SUGCT: variants seen among roughly 807,000 people sequenced by gnomAD.
SUGCT encodes the protein succinyl-CoA:glutarate-CoA transferase, also known as succinyl-CoA:glutarate CoA-transferase.
Under a neutral mutation model 55.0 loss-of-function variants are expected in SUGCT, and 41 were observed. The observed-to-expected ratio is 0.74, with a 90% CI of 0.58 to 0.97. SUGCT has a LOEUF of 0.97. SUGCT is among the 50% of genes least tolerant of loss of function. The probability of loss-of-function intolerance (pLI) is 0.00; values close to 1 mark genes in which losing one functional copy is unlikely to be tolerated. For synonymous variants in SUGCT, 187 were observed against 200.4 expected (o/e 0.93, Z 0.56); for missense variants, 568 against 547.8 (o/e 1.04, Z -0.37).
intron 12 of SUGCT, among the ~76,000 whole-genome samples, chr7:40,521,307 C>A (rs1380230139): frequency 6.6e-6 from 1 of 152,036 alleles, no homozygotes; most frequent in Non-Finnish European, 1.5e-5. Context: ...CAGTGCTTTC[C>A]CTGCCTATCT....
intron 13 of SUGCT, among the ~76,000 whole-genome samples, chr7:40,810,466 T>G (rs898613560): frequency 1.3e-5 from 2 of 152,176 alleles, no homozygotes; most frequent in African/African-American, 2.4e-5. Flanking sequence ...TTCTGACTGG[T>G]GTGAGATAGT....
Position 40,365,561 on chromosome 7 carries a change from A to C in SUGCT, c.816+48706A>C, listed in dbSNP as rs192570550. Among the ~76,000 whole-genome samples, 39 of 152,240 alleles carry C rather than the reference A, an allele frequency of 2.6e-4. No individual in the cohort carries two copies. In the East Asian group the frequency reaches 6.4e-3, roughly 25 times the overall value. ...CCTTAAGCTGATAAGCAACTTCAGC[A>C]AAGTCTCAGGATACAAAATCAATGT... On this transcript the variant is annotated intron_variant, in intron 9 of 13. Transcript: ENST00000335693.
chr7:40,646,892 G>A (rs899422557), intron 12 of SUGCT, among the ~76,000 whole-genome samples: 2 of 152,166 alleles, frequency 1.3e-5, no homozygotes, highest in Admixed American at 6.5e-5. Context: ...CCCACTCAAT[G>A]AATATCTGTT....
chr7:40,608,901 T>C (rs1186623083), intron 12 of SUGCT, among the ~76,000 whole-genome samples: 2 of 152,184 alleles, frequency 1.3e-5, no homozygotes, highest in Non-Finnish European at 2.9e-5. Flanking sequence ...CTACTGTGAT[T>C]GGTAGAACAG....
intron 8 of SUGCT, among the ~76,000 whole-genome samples, chr7:40,291,304 A>G (rs933638004): frequency 6.6e-6 from 1 of 151,580 alleles, no homozygotes; most frequent in Non-Finnish European, 1.5e-5. Context: ...GCACATATAC[A>G]CCATGGAATA....
intron 11 of SUGCT, among the ~76,000 whole-genome samples, chr7:40,460,145 T>G (rs1412549030): frequency 6.6e-6 from 1 of 152,224 alleles, no homozygotes; most frequent in Non-Finnish European, 1.5e-5. Context: ...TCTTTGTATT[T>G]GGGGATGTCT....
intron 8 of SUGCT, 57 bp downstream of exon 8, chr7:40,274,713 C>A: frequency 1.3e-6 from 2 of 1,515,032 alleles, no homozygotes; most frequent in Non-Finnish European, 1.8e-6. Flanking sequence ...TGGGTTATAC[C>A]TTTTCAGATC....
At chr7:40,436,246 A>T (rs1788171601) in intron 9 of SUGCT, among the ~76,000 whole-genome samples, 1 of 151,768 alleles carries the variant, frequency 6.6e-6, no homozygotes, top group African/African-American at 2.4e-5. Context: ...CCTGGCCATG[A>T]CTGCTTCCTA....
chr7:40,201,029 G>T (rs1289576562), intron 6 of SUGCT, among the ~76,000 whole-genome samples: 4 of 152,114 alleles, frequency 2.6e-5, no homozygotes, highest in African/African-American at 9.7e-5. Context: ...GTGTGTGTGT[G>T]TTCTTATTTT....
chr7:40,475,941 T>A (rs1380281621), intron 11 of SUGCT, among the ~76,000 whole-genome samples: 1 of 152,104 alleles, frequency 6.6e-6, no homozygotes, highest in Non-Finnish European at 1.5e-5. Flanking sequence ...CTAAAATTCA[T>A]CCACCCTTTA....
chr7:40,919,619 A>G, the SUGCT span, among the ~76,000 whole-genome samples: 2 of 152,244 alleles, frequency 1.3e-5, no homozygotes, highest in Middle Eastern at 6.8e-3. Flanking sequence ...ACTCCAACCC[A>G]AGGTTTCTTA....
chr7:40,293,176 G>C (rs1793895978), intron 8 of SUGCT, among the ~76,000 whole-genome samples: 1 of 152,122 alleles, frequency 6.6e-6, no homozygotes, highest in African/African-American at 2.4e-5. Context: ...TTTTATGGCA[G>C]CTTGTTAGGT....
chr7:40,418,285 C>A (rs1219987373), intron 9 of SUGCT, among the ~76,000 whole-genome samples: 2 of 152,124 alleles, frequency 1.3e-5, no homozygotes, highest in Non-Finnish European at 2.9e-5. Flanking sequence ...GATGGGAAAT[C>A]TCAGGAATGA....
chr7:40,999,302 A>T, the SUGCT span, among the ~76,000 whole-genome samples: 2 of 152,082 alleles, frequency 1.3e-5, no homozygotes, highest in Non-Finnish European at 2.9e-5. Flanking sequence ...AAGACTTGAC[A>T]AACATCAGCC....
At chr7:40,928,195 A>G in the SUGCT span, among the ~76,000 whole-genome samples, 1 of 151,932 alleles carries the variant, frequency 6.6e-6, no homozygotes, top group South Asian at 2.1e-4. Context: ...TTCCCTATAA[A>G]AACCTATGGA....
chr7:40,876,864 T>C, the SUGCT span, among the ~76,000 whole-genome samples: 2 of 152,190 alleles, frequency 1.3e-5, no homozygotes, highest in Non-Finnish European at 2.9e-5. Flanking sequence ...GTGCAGCCAC[T>C]GCTCCTGGAG....
intron 12 of SUGCT, among the ~76,000 whole-genome samples, chr7:40,647,790 G>T (rs140864511): frequency 7.2e-5 from 11 of 151,778 alleles, no homozygotes; most frequent in African/African-American, 2.4e-4. Context: ...AGTGGAGATT[G>T]CAGTGAGCAG....
At chr7:40,945,568 C>A in the SUGCT span, among the ~76,000 whole-genome samples, 1 of 152,168 alleles carries the variant, frequency 6.6e-6, no homozygotes, top group African/African-American at 2.4e-5. Flanking sequence ...AAACCTTTCA[C>A]AAGTACCAGG....
At chr7:40,597,208 T>C (rs1406169762) in intron 12 of SUGCT, among the ~76,000 whole-genome samples, 2 of 152,178 alleles carry the variant, frequency 1.3e-5, no homozygotes, top group Non-Finnish European at 2.9e-5. Context: ...AATCAGATTG[T>C]TAATAGGTAG....
Sources: gnomAD v4.1 joint callset for allele counts (sites outside exome capture counted in the v4.1 genomes callset) on GRCh38, gnomAD v4.1.1 for gene constraint, MANE v1.5 for transcripts, NCBI Gene and HGNC (gene_info 2026-07-23, HGNC 2026-07-21) for gene names.